Variants in CEP72 observed in about 807,000 individuals in gnomAD.
CEP72 encodes centrosomal protein 72, also known as centrosomal protein of 72 kDa.
A neutral mutation model predicts 65.7 loss-of-function variants in CEP72; 78 were observed. The observed-to-expected ratio is 1.19, with a 90% CI of 0.99 to 1.43. The LOEUF is 1.43. Ranked by LOEUF, CEP72 falls within the 40% of genes most tolerant of loss-of-function variation. The probability of loss-of-function intolerance (pLI) is 0.00; values close to 1 mark genes in which losing one functional copy is unlikely to be tolerated. For synonymous variants in CEP72, 358 were observed against 351.7 expected (o/e 1.02, Z -0.20); for missense variants, 914 against 832.9 (o/e 1.10, Z -1.20).
intron 3 of CEP72, among the ~76,000 whole-genome samples, chr5:622,137 G>A (rs1164465273): frequency 6.6e-6 from 1 of 152,254 alleles, no homozygotes; most frequent in Non-Finnish European, 1.5e-5. Context: ...ATGCTGGAAA[G>A]AGCTGTCAGC....
At chr5:640,279 T>C (rs963862138) in intron 8 of CEP72, 129 bp from the exon 9 acceptor site, 8 of 1,299,642 alleles carry the variant, frequency 6.2e-6, no homozygotes, top group African/African-American at 1.5e-5. Flanking sequence ...CCAACACCCC[T>C]TTCCCCTCTC....
rs924809208 is a variant in CEP72 at position 641,014 on chromosome 5, G to T, written c.1539+410G>T. 5 of 985,318 alleles carry T rather than the reference G, an allele frequency of 5.1e-6. No individual in the cohort carries two copies. The Admixed American group carries it at 2.5e-4, about 48-fold the overall frequency. The allele number at this position is 985,318 out of a possible 1,614,324, so 61.0% of individuals were successfully genotyped here. ...TCCCATGGTGAGCTGGGGCTACAGG[G>T]CAAGTTACCCCAAAACCAGCAGCTG... On this transcript the variant is annotated intron_variant, in intron 9 of 11. Transcript: ENST00000264935.
chr5:641,423 G>A lies in CEP72; in HGVS notation c.1539+819G>A, dbSNP rs532167479. 9.1e-6 allele frequency: 9 copies of A among 985,314 alleles called. No individual in the cohort carries two copies. In the Admixed American group the frequency reaches 3.7e-4, roughly 40 times the overall value. 61.0% of individuals were successfully genotyped at this position (985,314 alleles called of 1,614,324 possible). The stretch of plus-strand genomic sequence containing the variant: ...ATTGCGAGTGAAGTCGGCCCGGGAC[G>A]GCTTCGAAAACTGCCTCTGAACTTG... On this transcript the variant is annotated intron_variant, in intron 9 of 11. Coordinates refer to ENST00000264935, the MANE Select transcript of CEP72 (RefSeq NM_018140.4).
rs202172725 is a variant in CEP72, at chr5:624,577, C to G, written c.510C>G (p.Gly170=). ...KESVPASLKE[G]RPHHPRAKCT... is the part of the protein sequence containing the mutation. ...GCGTCCCAGCTTCTTTGAAAGAGGG[C>G]AGGTATGAACGGAAGTGCTACGGAC... The change falls in exon 4 of 12, where the codon GGC becomes GGG. Residue 170 remains glycine (G), a splice_region_variant and synonymous_variant. Coordinates refer to ENST00000264935, the MANE Select transcript of CEP72 (RefSeq NM_018140.4). This position sits in a 1 kb window ranked among gnomAD's most constrained non-coding sequence, Gnocchi z 4.7. 4.4e-6 allele frequency: 7 copies of G among 1,602,780 alleles called. No homozygotes were observed. Among genetic ancestry groups the G allele is most frequent in the Non-Finnish European group, 6.0e-6 (7 of 1,169,746 alleles).
chr5:652,173 G>A (rs568514925), intron 11 of CEP72, among the ~76,000 whole-genome samples: 1 of 152,198 alleles, frequency 6.6e-6, no homozygotes, highest in Non-Finnish European at 1.5e-5. Context: ...TACAGTTGGG[G>A]GTCATTCTCC....
At chr5:653,571 C>T (rs1284564919), downstream of CEP72, 1 of 153,792 alleles carries the variant, frequency 6.5e-6, no homozygotes, top group East Asian at 1.9e-4. Flanking sequence ...TTTTCAGTGG[C>T]TGTATACAAA....
rs1261370139 is a variant in CEP72 at position 640,453 on chromosome 5, C to G, written c.1388C>G (p.Ala463Gly). Residue 463 changes from alanine to glycine, a missense_variant, in exon 9 of 12, where the codon GCT becomes GGT. Transcript: ENST00000264935. ...TCATCTGTTGAAGAATTCACAGCAG[C>G]TCAGGACAGCTCTGCGATGGTGGGT... ...ILSSVEEFTA[A>G]QDSSAMVGED... 6 of 1,614,256 alleles carry G rather than the reference C, an allele frequency of 3.7e-6. No homozygotes were observed. The highest frequency in any genetic ancestry group is 1.1e-5 in the South Asian group (1 of 91,090).
At chr5:625,922 C>T (rs916750216) in intron 4 of CEP72, among the ~76,000 whole-genome samples, 1 of 152,114 alleles carries the variant, frequency 6.6e-6, no homozygotes, top group Non-Finnish European at 1.5e-5. Flanking sequence ...CACCAGTGAT[C>T]GTGGATCAGG....
Position 624,872 on chromosome 5 carries a change from T to C in CEP72, c.512+293T>C, listed in dbSNP as rs144327373. 7.1e-4 allele frequency among the ~76,000 whole-genome samples: 108 copies of C among 152,350 alleles called. 1 individual carries two copies. The East Asian group carries it at 0.019, about 27-fold the overall frequency. On this transcript the variant is annotated intron_variant, in intron 4 of 11. Coordinates refer to ENST00000264935, the MANE Select transcript of CEP72 (RefSeq NM_018140.4). The surrounding 1 kb of genome is among the most constrained non-coding windows in gnomAD (Gnocchi z 4.7). ...GTCCCTTTCCCGGGGCTGGCAGCTC[T>C]CACGTCTGTGGCTGCCTCTGCTTCC...
chr5:647,071 CG>C (rs1554017285), intron 10 of CEP72, among the ~76,000 whole-genome samples: 1 of 152,238 alleles, frequency 6.6e-6, no homozygotes, highest in Non-Finnish European at 1.5e-5. Context: ...AGACTTCACG[CG>C]GCGTGGCCTT....
intron 11 of CEP72, among the ~76,000 whole-genome samples, chr5:651,297 G>A (rs1444345596): frequency 9.5e-6 from 1 of 105,214 alleles, no homozygotes; most frequent in Admixed American, 1.0e-4. Context: ...ACTGTGAGGT[G>A]TGACTGTGAG....
intron 5 of CEP72, among the ~76,000 whole-genome samples, chr5:634,235 T>G (rs903785118): frequency 2.0e-5 from 3 of 152,256 alleles, no homozygotes; most frequent in African/African-American, 7.2e-5. Flanking sequence ...AGAAGCCTAG[T>G]GTCCTGTGGC....
downstream of CEP72, among the ~76,000 whole-genome samples, chr5:653,878 C>T (rs1276888114): frequency 1.3e-5 from 2 of 152,198 alleles, no homozygotes; most frequent in Admixed American, 6.5e-5. Context: ...ATTGGTAAGA[C>T]AAGGTCATTT....
downstream of CEP72, among the ~76,000 whole-genome samples, chr5:654,168 C>T (rs988991623): frequency 1.3e-4 from 17 of 133,948 alleles, no homozygotes; most frequent in Middle Eastern, 6.3e-3. Context: ...GCTCTGTGCG[C>T]GTGCACTTGC....
rs896092570 is a variant in CEP72, at chr5:645,503, G to A, written c.1666+1078G>A. Among the ~76,000 whole-genome samples the A allele has an allele frequency of 2.2e-4, 34 of 151,644 alleles. No homozygotes were observed. The highest frequency in any genetic ancestry group is 4.7e-4 in the Non-Finnish European group (32 of 67,962). ...AGTTCCCTGCCCGGGAGAACTGTGT[G>A]TGTGGTTTGCTCTCCCGGCTCTGTG... is the stretch of plus-strand genomic sequence containing the variant. On this transcript the variant is annotated intron_variant, in intron 10 of 11. Transcript: ENST00000264935. The surrounding 1 kb of genome is among the most constrained non-coding windows in gnomAD (Gnocchi z 4.0).
intron 1 of CEP72, 42 bp downstream of exon 1, chr5:612,485 G>A: frequency 7.2e-7 from 1 of 1,381,920 alleles, no homozygotes; most frequent in Non-Finnish European, 9.4e-7. Flanking sequence ...TGAGGTGGCG[G>A]GGGGGTGGGT....
chr5:620,878 C>G (rs1736345444), intron 3 of CEP72, among the ~76,000 whole-genome samples: 1 of 152,208 alleles, frequency 6.6e-6, no homozygotes, highest in South Asian at 2.1e-4. Context: ...TCCCATCTGC[C>G]TCCTGCCTCC....
At chr5:664,547 C>A (rs982119988) in intron 2 of CEP72, 11 of 155,310 alleles carry the variant, frequency 7.1e-5, no homozygotes, top group Admixed American at 4.5e-4. Flanking sequence ...GCGCCCAGCA[C>A]CCCCGCCAGG....
At chr5:658,989 C>T (rs1215629881), downstream of CEP72, among the ~76,000 whole-genome samples, 1 of 152,210 alleles carries the variant, frequency 6.6e-6, no homozygotes, top group African/African-American at 2.4e-5. Flanking sequence ...GATTGATCCA[C>T]CATCTCATTA....
Sources: allele counts gnomAD v4.1 joint callset (sites outside exome capture counted in the v4.1 genomes callset), GRCh38; gene constraint gnomAD v4.1.1; non-coding constraint Gnocchi (gnomAD v3.1); transcripts MANE v1.5; gene names NCBI Gene and HGNC (gene_info 2026-07-23, HGNC 2026-07-21).